The following XKR6 variants were observed in gnomAD, a reference collection of about 807,000 sequenced individuals.
XKR6 encodes XK related 6.
Under a neutral mutation model 56.7 loss-of-function variants are expected in XKR6, and 22 were observed. The observed-to-expected ratio is 0.39, with a 90% CI of 0.28 to 0.55. XKR6 has a LOEUF of 0.55. Ranked by LOEUF, XKR6 falls within the 20% of genes least tolerant of loss-of-function variation. The pLI, the probability that XKR6 is intolerant of heterozygous loss-of-function variation, is 0.66. For synonymous variants in XKR6, 524 were observed against 387.8 expected, an observed-to-expected ratio of 1.35 and a Z score of -4.13; for missense variants, 852 against 889.0, an observed-to-expected ratio of 0.96 and a Z score of 0.53.
chr8:10,899,269 G>A (rs143696797), intron 2 of XKR6, among the ~76,000 whole-genome samples: 2 of 152,352 alleles, frequency 1.3e-5, no homozygotes, highest in African/African-American at 2.4e-5. Context: ...GTGGCACACA[G>A]ATGTGCGGCT....
At chr8:11,013,638 G>C (rs1446457607) in intron 1 of XKR6, among the ~76,000 whole-genome samples, 1 of 152,172 alleles carries the variant, frequency 6.6e-6, no homozygotes, top group East Asian at 1.9e-4. Flanking sequence ...TGTGTTGCTG[G>C]TGGGAATGTC....
chr8:11,059,587 G>T (rs1450439941), intron 1 of XKR6, among the ~76,000 whole-genome samples: 3 of 151,798 alleles, frequency 2.0e-5, no homozygotes, highest in Non-Finnish European at 4.4e-5. Context: ...GGCGCGCGGC[G>T]GTGCCAGTGG....
At chr8:11,110,941 A>T (rs1026137994) in intron 1 of XKR6, among the ~76,000 whole-genome samples, 1 of 148,602 alleles carries the variant, frequency 6.7e-6, no homozygotes, top group Non-Finnish European at 1.5e-5. Flanking sequence ...GGTTCACACC[A>T]TTCTCCTGCC....
At chr8:11,104,914 G>C (rs1387230176) in intron 1 of XKR6, 2 of 152,182 alleles carry the variant, frequency 1.3e-5, no homozygotes, top group Admixed American at 6.5e-5. Flanking sequence ...TTGGAAGTCT[G>C]TTCGAGAGAT....
chr8:11,114,971 A>T (rs1461955404), intron 1 of XKR6, among the ~76,000 whole-genome samples: 1 of 152,212 alleles, frequency 6.6e-6, no homozygotes, highest in Non-Finnish European at 1.5e-5. Context: ...CACCGGAATT[A>T]AGTGCTTGGT....
chr8:10,897,861 G>C lies in XKR6; in HGVS notation c.*91C>G, dbSNP rs570179855. 258 of 1,484,818 alleles carry C rather than the reference G, an allele frequency of 1.7e-4. No homozygotes were observed. The highest frequency in any genetic ancestry group is 2.1e-4 in the Non-Finnish European group (232 of 1,119,212). The allele number at this position is 1,484,818 out of a possible 1,614,324, so 92.0% of individuals were successfully genotyped here. A position where few individuals can be genotyped will look rare whatever the true frequency, so the allele number is the denominator to read the frequency against. ...TTGGTGGTGGTGGCGGTGGTTCTGT[G>C]TATTGGGGGAAGGGAGGGTTATATT... On this transcript the variant is annotated 3_prime_UTR_variant, in exon 3 of 3. Coordinates refer to ENST00000416569, the MANE Select transcript of XKR6 (RefSeq NM_173683.4).
chr8:10,990,355 G>T (rs192815245), intron 1 of XKR6, among the ~76,000 whole-genome samples: 3 of 152,332 alleles, frequency 2.0e-5, no homozygotes, highest in African/African-American at 7.2e-5. Flanking sequence ...GCCTGCTCTG[G>T]TCCCAAAGGG....
At chr8:10,965,571 T>A (rs752596223) in intron 1 of XKR6, among the ~76,000 whole-genome samples, 3 of 152,214 alleles carry the variant, frequency 2.0e-5, no homozygotes, top group Non-Finnish European at 2.9e-5. Flanking sequence ...AGGGGGCCTG[T>A]GGGACGGGCT....
At chr8:11,138,087 C>G (rs1800498291) in intron 1 of XKR6, 1 of 190,874 alleles carries the variant, frequency 5.2e-6, no homozygotes. Context: ...ATGCTTGCCT[C>G]TACCATGGAA....
In XKR6 at chr8:11,162,236, G is replaced by C. The variant is rs544648365; in HGVS notation, c.764+38340C>G. ...AAGCTGGGAAAGTTGAGGAGAAGTG[G>C]TTGCTGCCCGTGGGCTGTTTAAATG... On this transcript the variant is annotated intron_variant, in intron 1 of 2. Transcript: ENST00000416569. Among the ~76,000 whole-genome samples the C allele has an allele frequency of 1.8e-4, 28 of 152,310 alleles. No individual in the cohort carries two copies. The South Asian group carries it at 5.6e-3, about 30-fold the overall frequency.
At chr8:10,984,732 C>CTATATATATATATATATATATATA (rs58774414) in intron 1 of XKR6, among the ~76,000 whole-genome samples, 33 of 47,470 alleles carry the variant, frequency 7.0e-4, no homozygotes, top group Non-Finnish European at 8.4e-4. Flanking sequence ...CTCTCTCTCT[C>CTATATATATATATATATATATATA]TATATATATA....
chr8:11,037,392 A>T (rs1658628169), intron 1 of XKR6, among the ~76,000 whole-genome samples: 1 of 152,156 alleles, frequency 6.6e-6, no homozygotes, highest in Non-Finnish European at 1.5e-5. Context: ...CGACTGGCTA[A>T]TCTTTGTATT....
intron 1 of XKR6, among the ~76,000 whole-genome samples, chr8:11,160,002 C>T (rs554695924): frequency 2.6e-5 from 4 of 152,214 alleles, no homozygotes; most frequent in African/African-American, 9.6e-5. Context: ...TCTGCACTAC[C>T]TATAGGAGCT....
chr8:11,037,344 G>C (rs893381570), intron 1 of XKR6, among the ~76,000 whole-genome samples: 1 of 152,122 alleles, frequency 6.6e-6, no homozygotes, highest in Non-Finnish European at 1.5e-5. Context: ...TCCTGCCTAG[G>C]CCTCCTGAGT....
chr8:11,093,828 G>A (rs2129173769), intron 1 of XKR6, among the ~76,000 whole-genome samples: 1 of 152,116 alleles, frequency 6.6e-6, no homozygotes, highest in African/African-American at 2.4e-5. Context: ...CTGTCGCACA[G>A]GCTGGAGTGC....
intron 1 of XKR6, among the ~76,000 whole-genome samples, chr8:11,093,291 G>C (rs529807130): frequency 1.3e-5 from 2 of 152,168 alleles, no homozygotes; most frequent in Non-Finnish European, 2.9e-5. Context: ...CTGACCTCGG[G>C]TGATCCGCCC....
chr8:10,976,594 C>T (rs1802568500), intron 1 of XKR6, among the ~76,000 whole-genome samples: 1 of 152,188 alleles, frequency 6.6e-6, no homozygotes, highest in South Asian at 2.1e-4. Flanking sequence ...AAACGATGGT[C>T]ACAGGAGGGT....
chr8:10,940,970 C>T (rs910035914), intron 1 of XKR6, among the ~76,000 whole-genome samples: 2 of 152,182 alleles, frequency 1.3e-5, no homozygotes, highest in African/African-American at 4.8e-5. Flanking sequence ...CACGCAGGGA[C>T]ATAGCTCTGG....
At chr8:11,104,446 G>T (rs1240118237) in intron 1 of XKR6, among the ~76,000 whole-genome samples, 1 of 152,240 alleles carries the variant, frequency 6.6e-6, no homozygotes, top group East Asian at 1.9e-4. Context: ...ATAAAAATGG[G>T]TATTCAGCAT....
Sources: gnomAD v4.1 joint callset for allele counts (sites outside exome capture counted in the v4.1 genomes callset) on GRCh38, gnomAD v4.1.1 for gene constraint, MANE v1.5 for transcripts, NCBI Gene and HGNC (gene_info 2026-07-23, HGNC 2026-07-21) for gene names.